The following PCDH15 variants were observed in gnomAD, a reference collection of about 807,000 sequenced individuals.
The protein encoded by PCDH15 is protocadherin-15.
In PCDH15, 129 loss-of-function variants were observed where a neutral mutation model predicts 178.5. That is an observed-to-expected ratio of 0.72 (90% CI 0.63 to 0.84). The LOEUF is 0.84. PCDH15 is among the 40% of genes least tolerant of loss of function. The probability of loss-of-function intolerance (pLI) is 0.00; values close to 1 mark genes in which losing one functional copy is unlikely to be tolerated. For missense variants in PCDH15, 2,230 were observed against 2,099.9 expected (o/e 1.06, Z -1.21); for synonymous variants, 800 against 732.0 (o/e 1.09, Z -1.50).
Position 54,924,142 on chromosome 10 carries a change from A to G in PCDH15, c.-79-26642T>C, listed in dbSNP as rs984348762. Among the ~76,000 whole-genome samples the G allele has an allele frequency of 2.9e-5, 4 of 137,932 alleles. 1 individual carries two copies. The highest frequency in any genetic ancestry group is 6.7e-5 in the Non-Finnish European group (4 of 59,278). 90.5% of individuals were successfully genotyped at this position (137,932 alleles called of 152,430 possible). On this transcript the variant is annotated intron_variant, in intron 2 of 5. Coordinates refer to the PCDH15 transcript ENST00000458638. ...AAGAGGAAGCAAGCACTGTTCTCACATGGTGAAGCAGGAAGTGGGGGGGAA... is the reference window on the plus strand; with the variant it reads ...AAGAGGAAGCAAGCACTGTTCTCACGTGGTGAAGCAGGAAGTGGGGGGGAA...
chr10:53,976,128 G>GTTTGT (rs2090162308), intron 21 of PCDH15, among the ~76,000 whole-genome samples: 2 of 152,178 alleles, frequency 1.3e-5, no homozygotes, highest in South Asian at 4.1e-4. Context: ...TGGTCTATGT[G>GTTTGT]TTTGTTTTTG....
chr10:54,265,307 T>C (rs1305095715), intron 8 of PCDH15, among the ~76,000 whole-genome samples: 1 of 152,016 alleles, frequency 6.6e-6, no homozygotes, highest in East Asian at 1.9e-4. Context: ...AAAGCAGAGT[T>C]AAGTACATAG....
At chr10:55,501,457 C>T (rs1305137139) in intron 2 of PCDH15, among the ~76,000 whole-genome samples, 1 of 151,622 alleles carries the variant, frequency 6.6e-6, no homozygotes, top group Non-Finnish European at 1.5e-5. Context: ...TATGTATTTG[C>T]TAATTTCCTC....
At chr10:54,365,352 A>G (rs1427869017) in intron 5 of PCDH15, among the ~76,000 whole-genome samples, 1 of 152,134 alleles carries the variant, frequency 6.6e-6, no homozygotes, top group Non-Finnish European at 1.5e-5. Flanking sequence ...ATAGCTCCAT[A>G]AACAATACAT....
intron 1 of PCDH15, among the ~76,000 whole-genome samples, chr10:55,258,902 G>A (rs1419602940): frequency 6.6e-6 from 1 of 151,742 alleles, no homozygotes; most frequent in East Asian, 1.9e-4. Context: ...AAACTCATCA[G>A]ATTATAGCAT....
intron 5 of PCDH15, among the ~76,000 whole-genome samples, chr10:54,353,259 G>T (rs1321701417): frequency 6.6e-6 from 1 of 151,206 alleles, no homozygotes; most frequent in Non-Finnish European, 1.5e-5. Flanking sequence ...TTCCAGAACT[G>T]ATAAAAAAAA....
At chr10:54,363,765 T>C (rs1027325577) in intron 5 of PCDH15, among the ~76,000 whole-genome samples, 1 of 152,116 alleles carries the variant, frequency 6.6e-6, no homozygotes, top group South Asian at 2.1e-4. Flanking sequence ...TACCAAAACA[T>C]GAGAGTATAT....
intron 2 of PCDH15, among the ~76,000 whole-genome samples, chr10:55,531,776 G>C (rs1410023672): frequency 6.6e-6 from 1 of 151,986 alleles, no homozygotes; most frequent in Non-Finnish European, 1.5e-5. Flanking sequence ...TAAGCACAAA[G>C]AATTATTTTG....
chr10:55,513,391 T>C (rs1163410280), intron 2 of PCDH15, among the ~76,000 whole-genome samples: 1 of 152,112 alleles, frequency 6.6e-6, no homozygotes, highest in East Asian at 1.9e-4. Flanking sequence ...TTCTCTAGTA[T>C]TGATTATGCC....
At chr10:55,610,853 C>CA (rs1362725427) in intron 2 of PCDH15, among the ~76,000 whole-genome samples, 3 of 151,976 alleles carry the variant, frequency 2.0e-5, no homozygotes, top group Non-Finnish European at 4.4e-5. Context: ...CTAAATGGAA[C>CA]AATTGGGTGG....
At chr10:54,270,848 T>C (rs1332914728) in intron 8 of PCDH15, among the ~76,000 whole-genome samples, 3 of 152,132 alleles carry the variant, frequency 2.0e-5, no homozygotes, top group Non-Finnish European at 4.4e-5. Context: ...CTTGAATTAG[T>C]GAAAAGTTTA....
intron 3 of PCDH15, among the ~76,000 whole-genome samples, chr10:54,494,104 G>T (rs547990060): frequency 7.6e-6 from 1 of 130,908 alleles, no homozygotes; most frequent in African/African-American, 2.8e-5. Context: ...GGGGAGGGGG[G>T]AGGGATAGCA....
chr10:54,292,050 A>T (rs1177794374), intron 8 of PCDH15, among the ~76,000 whole-genome samples: 3 of 152,190 alleles, frequency 2.0e-5, no homozygotes, highest in African/African-American at 7.2e-5. Context: ...ATCCCTGATG[A>T]ACATTGATGC....
chr10:55,158,624 T>C (rs775540383), intron 2 of PCDH15, among the ~76,000 whole-genome samples: 1 of 151,682 alleles, frequency 6.6e-6, no homozygotes, highest in South Asian at 2.1e-4. Flanking sequence ...AATAAAAGCT[T>C]TTAAAGTGAC....
intron 2 of PCDH15, among the ~76,000 whole-genome samples, chr10:54,634,310 T>C (rs1048337790): frequency 1.4e-4 from 22 of 152,170 alleles, no homozygotes; most frequent in African/African-American, 4.8e-4. Context: ...TCTATACTTA[T>C]AAATATTTTG....
chr10:55,263,756 A>G (rs1842207394), intron 1 of PCDH15, among the ~76,000 whole-genome samples: 1 of 151,788 alleles, frequency 6.6e-6, no homozygotes, highest in African/African-American at 2.4e-5. Context: ...TTTTTTTGAG[A>G]CGGAGTCTCA....
At chr10:54,211,429 A>C (rs2051413201) in intron 10 of PCDH15, among the ~76,000 whole-genome samples, 1 of 152,152 alleles carries the variant, frequency 6.6e-6, no homozygotes. Context: ...TTTCAACTGC[A>C]TGTTTTAATC....
At chr10:53,948,247 G>A (rs1388463200) in intron 23 of PCDH15, among the ~76,000 whole-genome samples, 1 of 151,908 alleles carries the variant, frequency 6.6e-6, no homozygotes, top group African/African-American at 2.4e-5. Context: ...TAAATTATAT[G>A]GTCTTACCTA....
intron 8 of PCDH15, among the ~76,000 whole-genome samples, chr10:54,282,095 A>G (rs953489833): frequency 6.6e-6 from 1 of 152,028 alleles, no homozygotes; most frequent in African/African-American, 2.4e-5. Context: ...ACTCTCCTGC[A>G]TTTATTCTTT....
Sources: gnomAD v4.1 joint callset for allele counts (sites outside exome capture counted in the v4.1 genomes callset) on GRCh38, gnomAD v4.1.1 for gene constraint, MANE v1.5 for transcripts, NCBI Gene and HGNC (gene_info 2026-07-23, HGNC 2026-07-21) for gene names.